PTK2: variants seen among roughly 807,000 people sequenced by gnomAD.
PTK2 encodes the protein focal adhesion kinase 1.
Under a neutral mutation model 150.1 loss-of-function variants are expected in PTK2, and 45 were observed. That is an observed-to-expected ratio of 0.30 (90% CI 0.24 to 0.38). The LOEUF is 0.38. Ranked by LOEUF, PTK2 falls within the 10% of genes least tolerant of loss-of-function variation. PTK2 has a pLI of 1.00. For missense variants in PTK2, 919 were observed against 1,307.3 expected, an observed-to-expected ratio of 0.70 and a Z score of 4.58; for synonymous variants, 432 against 449.2, an observed-to-expected ratio of 0.96 and a Z score of 0.48.
intron 5 of PTK2, among the ~76,000 whole-genome samples, chr8:140,846,955 T>C (rs1351791052): frequency 6.6e-6 from 1 of 152,166 alleles, no homozygotes; most frequent in Non-Finnish European, 1.5e-5. Flanking sequence ...ATGTTAAAGA[T>C]ATAAACGTGA....
intron 1 of PTK2, among the ~76,000 whole-genome samples, chr8:140,959,347 A>T (rs372571604): frequency 6.6e-6 from 1 of 151,186 alleles, no homozygotes. Flanking sequence ...TGGCTAACAC[A>T]GTGAAACCCC....
chr8:140,850,508 G>A (rs1368314210), intron 5 of PTK2, among the ~76,000 whole-genome samples: 3 of 150,346 alleles, frequency 2.0e-5, no homozygotes, highest in East Asian at 2.0e-4. Context: ...GGTAGATCAC[G>A]AGGTCAGGAT....
chr8:140,868,514 T>A (rs536885786), intron 4 of PTK2, among the ~76,000 whole-genome samples: 1 of 152,162 alleles, frequency 6.6e-6, no homozygotes, highest in South Asian at 2.1e-4. Context: ...TTCTTAATTA[T>A]AAAGGGGAAA....
At chr8:140,928,957 ATTT>A (rs34658967) in intron 1 of PTK2, among the ~76,000 whole-genome samples, 18 of 92,228 alleles carry the variant, frequency 2.0e-4, no homozygotes, top group African/African-American at 7.7e-4. Context: ...TTTTATCACA[ATTT>A]TTTTTTTTTT....
chr8:140,858,034 A>G (rs551056946), intron 5 of PTK2, among the ~76,000 whole-genome samples: 1 of 152,368 alleles, frequency 6.6e-6, no homozygotes, highest in African/African-American at 2.4e-5. Flanking sequence ...AAATATTAAT[A>G]AAAGGCAGAT....
At chr8:140,951,147 C>T (rs1331317909) in intron 1 of PTK2, among the ~76,000 whole-genome samples, 2 of 152,120 alleles carry the variant, frequency 1.3e-5, no homozygotes, top group Non-Finnish European at 2.9e-5. Flanking sequence ...CACATTAACC[C>T]TGAAAATTAT....
chr8:140,774,025 T>C (rs1364474834), intron 14 of PTK2, among the ~76,000 whole-genome samples: 1 of 152,166 alleles, frequency 6.6e-6, no homozygotes, highest in East Asian at 1.9e-4. Flanking sequence ...CAACTTTCTA[T>C]GTGATTACGC....
chr8:140,837,849 A>G (rs539255004), intron 7 of PTK2, among the ~76,000 whole-genome samples: 116 of 152,274 alleles, frequency 7.6e-4, no homozygotes, highest in African/African-American at 2.6e-3. Context: ...ACTTGAGGTC[A>G]GGAGTTCAAA....
intron 2 of PTK2, among the ~76,000 whole-genome samples, chr8:140,912,502 C>T (rs2154608027): frequency 6.6e-6 from 1 of 151,944 alleles, no homozygotes; most frequent in Non-Finnish European, 1.5e-5. Context: ...ATTTTAAACA[C>T]TATAATTCAT....
At chr8:140,836,976 A>C (rs1171369593) in intron 7 of PTK2, among the ~76,000 whole-genome samples, 1 of 152,234 alleles carries the variant, frequency 6.6e-6, no homozygotes, top group Non-Finnish European at 1.5e-5. Context: ...TAATTACTGG[A>C]AAATAAGAGT....
intron 17 of PTK2, 45 bp downstream of exon 20, chr8:140,752,187 G>C (rs1335109705): frequency 1.4e-6 from 2 of 1,471,348 alleles, no homozygotes; most frequent in African/African-American, 2.8e-5. Context: ...GGATTTCACA[G>C]ATAGAAAGTC....
At chr8:140,695,135 T>C (rs2100025757) in intron 26 of PTK2, among the ~76,000 whole-genome samples, 1 of 152,248 alleles carries the variant, frequency 6.6e-6, no homozygotes, top group Non-Finnish European at 1.5e-5. Context: ...GGACTCCTCA[T>C]TCTGAATTTT....
rs79406912 is a variant in PTK2, at chr8:140,956,421, C to G, written c.-121-30672G>C. Among the ~76,000 whole-genome samples the G allele has an allele frequency of 6.6e-3, 1,002 of 152,318 alleles. 8 individuals carry two copies. The highest frequency in any genetic ancestry group is 0.01 in the Non-Finnish European group (689 of 68,028). ...TGGGGAAAACAGACCTACTGTGCTG[C>G]CAGTCGTATAAAAGTCTAGCACATA... On this transcript the variant is annotated intron_variant, in intron 1 of 31. Transcript: ENST00000522684.
intron 14 of PTK2, chr8:140,771,467 G>A (rs2100075461): frequency 6.6e-6 from 1 of 152,226 alleles, no homozygotes; most frequent in African/African-American, 2.4e-5. Context: ...AGCAGCAACT[G>A]CAGTATGGTA....
intron 27 of PTK2, among the ~76,000 whole-genome samples, chr8:140,679,300 C>G (rs758991968): frequency 6.6e-6 from 1 of 151,956 alleles, no homozygotes; most frequent in African/African-American, 2.4e-5. Context: ...ACTGTGATTA[C>G]AGGCGTGAGC....
intron 3 of PTK2, among the ~76,000 whole-genome samples, chr8:140,883,020 T>G (rs1055564135): frequency 6.6e-6 from 1 of 152,218 alleles, no homozygotes; most frequent in Non-Finnish European, 1.5e-5. Flanking sequence ...TTTCCCTGAT[T>G]ACTCACTAGT....
intron 2 of PTK2, among the ~76,000 whole-genome samples, chr8:140,923,049 G>A (rs775489485): frequency 6.6e-6 from 1 of 152,172 alleles, no homozygotes; most frequent in Non-Finnish European, 1.5e-5. Flanking sequence ...TGGTTTCTGT[G>A]ACTTTAAAGT....
At chr8:140,928,136 C>G (rs1048257504) in intron 1 of PTK2, among the ~76,000 whole-genome samples, 2 of 151,404 alleles carry the variant, frequency 1.3e-5, no homozygotes, top group Non-Finnish European at 2.9e-5. Flanking sequence ...AATTTCCCTC[C>G]CGTATGCTTT....
At chr8:140,822,822 T>C (rs2100109586) in intron 8 of PTK2, among the ~76,000 whole-genome samples, 1 of 152,226 alleles carries the variant, frequency 6.6e-6, no homozygotes, top group African/African-American at 2.4e-5. Context: ...TAATTACATG[T>C]CTCTGCCATA....
Sources: gnomAD v4.1 joint callset for allele counts (sites outside exome capture counted in the v4.1 genomes callset) on GRCh38, gnomAD v4.1.1 for gene constraint, MANE v1.5 for transcripts, NCBI Gene and HGNC (gene_info 2026-07-23, HGNC 2026-07-21) for gene names.